The following NOS1AP variants were observed in gnomAD, a reference collection of about 807,000 sequenced individuals.
NOS1AP encodes carboxyl-terminal PDZ ligand of neuronal nitric oxide synthase protein.
In NOS1AP, 21 loss-of-function variants were observed where a neutral mutation model predicts 56.2. That is an observed-to-expected ratio of 0.37 (90% CI 0.26 to 0.54). The LOEUF is 0.54. Among genes scored for constraint, NOS1AP ranks in the 20% least tolerant of loss-of-function variants. The pLI is 0.84. For synonymous variants in NOS1AP, 270 were observed against 274.6 expected, an observed-to-expected ratio of 0.98 and a Z score of 0.17; for missense variants, 522 against 657.8, an observed-to-expected ratio of 0.79 and a Z score of 2.26.
chr1:162,231,496 T>TAAA (rs1653123044), intron 2 of NOS1AP, among the ~76,000 whole-genome samples: 1 of 152,188 alleles, frequency 6.6e-6, no homozygotes. Flanking sequence ...TCCAATGTAT[T>TAAA]TATTTATGTT....
intron 6 of NOS1AP, among the ~76,000 whole-genome samples, chr1:162,345,696 A>T (rs974038546): frequency 6.6e-6 from 1 of 152,206 alleles, no homozygotes; most frequent in Non-Finnish European, 1.5e-5. Context: ...TTGTAGCTGC[A>T]CCAGTCACTG....
At chr1:162,298,348 T>C (rs114705169) in intron 3 of NOS1AP, among the ~76,000 whole-genome samples, 3,203 of 152,340 alleles carry the variant, frequency 0.021, 116 homozygotes, top group African/African-American at 0.072. Flanking sequence ...CCTGCAGTCA[T>C]GAAGCCACTG....
chr1:162,193,345 T>C lies in NOS1AP; in HGVS notation c.177+38869T>C, dbSNP rs556004643. 3.3e-5 allele frequency among the ~76,000 whole-genome samples: 5 copies of C among 152,228 alleles called. No individual in the cohort carries two copies. The South Asian group carries it at 1.0e-3, about 32-fold the overall frequency. On this transcript the variant is annotated intron_variant, in intron 2 of 9. Coordinates refer to ENST00000361897, the MANE Select transcript of NOS1AP (RefSeq NM_014697.3). ...GCTGAGGTGAAGGGAGATAAGATTCTGGGGCATTTTGTCCTGGAGCATGTC... is the reference window on the plus strand; with the variant it reads ...GCTGAGGTGAAGGGAGATAAGATTCCGGGGCATTTTGTCCTGGAGCATGTC...
chr1:162,291,559 G>T (rs898365615), intron 3 of NOS1AP, among the ~76,000 whole-genome samples: 1 of 151,888 alleles, frequency 6.6e-6, no homozygotes, highest in Non-Finnish European at 1.5e-5. Context: ...TAATTCCATA[G>T]TATTAATTGT....
intron 8 of NOS1AP, among the ~76,000 whole-genome samples, chr1:162,358,265 G>A (rs924845763): frequency 9.9e-5 from 15 of 152,156 alleles, no homozygotes; most frequent in African/African-American, 3.6e-4. Flanking sequence ...ACCTTGAGGA[G>A]GCATCCGGCG....
Position 162,355,204 on chromosome 1 carries a change from G to T in NOS1AP, c.613G>T (p.Ala205Ser). 1 of 1,614,124 alleles carries T rather than the reference G, an allele frequency of 6.2e-7. No homozygotes were observed. The highest frequency in any genetic ancestry group is 8.5e-7 in the Non-Finnish European group (1 of 1,180,014). ...TCCTGCAGGCCGCCAGCTCACTGGAGCCGAGAGGGCCTCCACGGCCACTGC... is the reference window on the plus strand; with the variant it reads ...TCCTGCAGGCCGCCAGCTCACTGGATCCGAGAGGGCCTCCACGGCCACTGC... ...SGDPGRQLTG[A>S]ERASTATAEE... The change falls in exon 7 of 10, where the codon GCC becomes TCC. Residue 205 changes from alanine (A) to serine (S), a missense_variant. Transcript: ENST00000361897.
At chr1:162,141,718 C>G (rs577728054) in intron 1 of NOS1AP, among the ~76,000 whole-genome samples, 1 of 152,328 alleles carries the variant, frequency 6.6e-6, no homozygotes, top group African/African-American at 2.4e-5. Flanking sequence ...GACTTAATTT[C>G]TCAGACTTTC....
intron 2 of NOS1AP, among the ~76,000 whole-genome samples, chr1:162,185,125 C>G (rs1651385069): frequency 6.6e-6 from 1 of 152,232 alleles, no homozygotes; most frequent in Non-Finnish European, 1.5e-5. Context: ...ATCTCTCTGA[C>G]CATTCTTCCA....
chr1:162,166,711 C>G (rs912656871), intron 2 of NOS1AP, among the ~76,000 whole-genome samples: 3 of 152,206 alleles, frequency 2.0e-5, no homozygotes, highest in Non-Finnish European at 4.4e-5. Flanking sequence ...ACTGTCAATT[C>G]TTTTGTAAAA....
At chr1:162,328,767 A>G (rs973449409) in intron 4 of NOS1AP, among the ~76,000 whole-genome samples, 2 of 152,244 alleles carry the variant, frequency 1.3e-5, no homozygotes, top group South Asian at 4.1e-4. Context: ...ATTCCAGTCA[A>G]CATGAGGGAA....
chr1:162,318,566 A>AT (rs879619014), intron 4 of NOS1AP, among the ~76,000 whole-genome samples: 15 of 150,292 alleles, frequency 1.0e-4, no homozygotes, highest in Middle Eastern at 3.4e-3. Flanking sequence ...TCTGCTCAGT[A>AT]TTTTTTTTTC....
In NOS1AP at chr1:162,365,401, C is replaced by T. The variant is rs1359818976; in HGVS notation, c.940-3C>T. 15 of 1,614,138 alleles carry T rather than the reference C, an allele frequency of 9.3e-6. No homozygotes were observed. In the South Asian group the frequency reaches 1.5e-4, roughly 17 times the overall value. On this transcript the variant is annotated splice_region_variant and splice_polypyrimidine_tract_variant and intron_variant, in intron 8 of 9. Coordinates refer to ENST00000361897, the MANE Select transcript of NOS1AP (RefSeq NM_014697.3). Reference sequence around the variant, plus strand: ...CTTCTCTGCCGCTGCCTCTTCTCTGCAGGTACACTTGCTGAAGGACCAGTT... The same window carrying T: ...CTTCTCTGCCGCTGCCTCTTCTCTGTAGGTACACTTGCTGAAGGACCAGTT...
intron 1 of NOS1AP, among the ~76,000 whole-genome samples, chr1:162,129,247 T>A (rs1648635987): frequency 6.6e-6 from 1 of 152,156 alleles, no homozygotes; most frequent in South Asian, 2.1e-4. Flanking sequence ...GTCCCCTCAA[T>A]TGGCCTGAGG....
At chr1:162,166,003 C>G (rs886211058) in intron 2 of NOS1AP, among the ~76,000 whole-genome samples, 3 of 152,186 alleles carry the variant, frequency 2.0e-5, no homozygotes, top group Non-Finnish European at 4.4e-5. Context: ...ACATCTTGAC[C>G]ACTCAAGAAT....
chr1:162,147,881 A>G (rs1297255002), intron 1 of NOS1AP, among the ~76,000 whole-genome samples: 1 of 152,150 alleles, frequency 6.6e-6, no homozygotes, highest in African/African-American at 2.4e-5. Context: ...CTCAGTGGTC[A>G]ATGTTCTGAA....
chr1:162,226,310 A>G (rs1450035759), intron 2 of NOS1AP, among the ~76,000 whole-genome samples: 1 of 152,126 alleles, frequency 6.6e-6, no homozygotes, highest in Non-Finnish European at 1.5e-5. Flanking sequence ...ATGTTTATTG[A>G]TTACCTGCTA....
intron 4 of NOS1AP, chr1:162,317,786 T>A (rs1189689357): frequency 1.3e-5 from 2 of 152,216 alleles, no homozygotes; most frequent in Non-Finnish European, 2.9e-5. Flanking sequence ...TTCCTTCCTA[T>A]GAGAAAGGGA....
At chr1:162,302,368 A>G (rs1251320812) in intron 4 of NOS1AP, among the ~76,000 whole-genome samples, 2 of 152,240 alleles carry the variant, frequency 1.3e-5, no homozygotes, top group East Asian at 1.9e-4. Context: ...GATTCATCGA[A>G]GGGAACAATT....
intron 2 of NOS1AP, among the ~76,000 whole-genome samples, chr1:162,281,550 C>CT (rs1346263691): frequency 1.3e-5 from 2 of 152,148 alleles, no homozygotes; most frequent in Non-Finnish European, 2.9e-5. Flanking sequence ...CGGGAGTTGG[C>CT]TTCACTGTGT....
Sources: gnomAD v4.1 joint callset for allele counts (sites outside exome capture counted in the v4.1 genomes callset) on GRCh38, gnomAD v4.1.1 for gene constraint, MANE v1.5 for transcripts, NCBI Gene and HGNC (gene_info 2026-07-23, HGNC 2026-07-21) for gene names.